Variants in PABPC4 observed in about 807,000 individuals in gnomAD.
PABPC4 encodes poly(A) binding protein cytoplasmic 4.
In PABPC4, 15 loss-of-function variants were observed where a neutral mutation model predicts 74.5. That is an observed-to-expected ratio of 0.20 (90% CI 0.13 to 0.31). PABPC4 has a LOEUF of 0.31. Among genes scored for constraint, PABPC4 ranks in the 10% least tolerant of loss-of-function variants. The pLI is 1.00. For missense variants in PABPC4, 610 were observed against 853.5 expected, an observed-to-expected ratio of 0.71 and a Z score of 3.55; for synonymous variants, 345 against 303.0, an observed-to-expected ratio of 1.14 and a Z score of -1.44.
At chr1:39,573,454 C>T (rs1645971710) in intron 1 of PABPC4, among the ~76,000 whole-genome samples, 1 of 152,168 alleles carries the variant, frequency 6.6e-6, no homozygotes, top group Non-Finnish European at 1.5e-5. Flanking sequence ...ACCAACTTCC[C>T]CATCCAACAC....
rs1172260528 is a variant in PABPC4 at position 39,561,082 on chromosome 1, C to CT, written c.*53dup. On this transcript the variant is annotated 3_prime_UTR_variant, in exon 16 of 16. Transcript: ENST00000372858. ...AGGACAAGCTAGGAAGTCTTCAAAC[C>CT]TTGAGTTGAATTCCATAAGGGGTTA... 1 of 469,686 alleles carries CT rather than the reference C, an allele frequency of 2.1e-6. No homozygotes were observed. Among genetic ancestry groups the CT allele is most frequent in the African/African-American group, 2.0e-5 (1 of 50,044 alleles). The allele number at this position is 469,686 out of a possible 1,614,324, so 29.1% of individuals were successfully genotyped here.
chr1:39,571,172 AT>A, intron 3 of PABPC4, 61 bp downstream of exon 3: 1 of 1,610,938 alleles, frequency 6.2e-7, no homozygotes, highest in Non-Finnish European at 8.5e-7. Flanking sequence ...GTGCCAGTTA[AT>A]AGCGAGGTGG....
chr1:39,572,453 A>G lies in PABPC4; in HGVS notation c.327T>C (p.Ser109=), dbSNP rs2124466421. The G allele has an allele frequency of 3.1e-6, 5 of 1,614,124 alleles. No homozygotes were observed. In the South Asian group the frequency reaches 5.5e-5, roughly 18 times the overall value. ...GNVFIKNLDK[S]IDNKALYDTF... is the part of the protein sequence containing the mutation. ...TATCATAAAGTGCCTTGTTATCTAT[A>G]GATTTGTCCAGGTTCTTGATGAAGA... The change falls in exon 2 of 16, where the codon TCT becomes TCC. Residue 109 remains serine (S), a synonymous_variant. Coordinates refer to ENST00000372858, the MANE Select transcript of PABPC4 (RefSeq NM_001135653.2).
intron 1 of PABPC4, among the ~76,000 whole-genome samples, chr1:39,572,837 G>C (rs886559673): frequency 1.3e-5 from 2 of 152,142 alleles, no homozygotes; most frequent in African/African-American, 4.8e-5. Flanking sequence ...GTTGGATAAA[G>C]GGGCCACAAG....
chr1:39,576,075 A>T lies in PABPC4; in HGVS notation c.-124T>A, dbSNP rs1465967629. The T allele has an allele frequency of 4.6e-6, 3 of 653,820 alleles. No individual in the cohort carries two copies. In the African/African-American group the frequency reaches 5.8e-5, roughly 13 times the overall value. The allele number at this position is 653,820 out of a possible 1,614,324, so 40.5% of individuals were successfully genotyped here. ...GCTCACAGGTGGCACCGGCGCGGCG[A>T]GGACGAGCTGGAGTCGGCGGGCTTG... is the stretch of plus-strand genomic sequence containing the variant. On this transcript the variant is annotated 5_prime_UTR_variant, in exon 1 of 16. Coordinates refer to ENST00000372858, the MANE Select transcript of PABPC4 (RefSeq NM_001135653.2).
intron 2 of PABPC4, among the ~76,000 whole-genome samples, 196 bp downstream of exon 2, chr1:39,572,197 A>C (rs1197946840): frequency 1.3e-5 from 2 of 152,206 alleles, no homozygotes; most frequent in Admixed American, 1.3e-4. Context: ...GTAAAGAACA[A>C]GGGTATGAAA....
rs986754452 is a variant in PABPC4, at chr1:39,568,640, C to A, written c.876+162G>T. ...TGTTTCTGGTTCTATAATAATCAGT[C>A]ATATGTAGTAGGTATATATCCTTTT... is the stretch of plus-strand genomic sequence containing the variant. On this transcript the variant is annotated intron_variant, in intron 6 of 15. Transcript: ENST00000372858. 7 of 630,726 alleles carry A rather than the reference C, an allele frequency of 1.1e-5. No individual in the cohort carries two copies. The African/African-American group carries it at 1.3e-4, about 12-fold the overall frequency. 39.1% of individuals were successfully genotyped at this position (630,726 alleles called of 1,614,324 possible).
intron 7 of PABPC4, chr1:39,567,403 C>CA (rs1425983005): frequency 1.9e-6 from 1 of 526,656 alleles, no homozygotes; most frequent in South Asian, 1.4e-5. Context: ...AGACAGGCCC[C>CA]AAGACAAATG....
chr1:39,569,442 C>T (rs1452884397), intron 5 of PABPC4, 153 bp downstream of exon 5: 5 of 634,312 alleles, frequency 7.9e-6, no homozygotes, highest in Admixed American at 2.8e-5. Context: ...AGTTAACATG[C>T]GGAACCCAGG....
chr1:39,575,742 G>A lies in PABPC4; in HGVS notation c.193+17C>T, dbSNP rs369209677. 309 of 1,559,504 alleles carry A rather than the reference G, an allele frequency of 2.0e-4. 1 individual carries two copies. The African/African-American group carries it at 3.7e-3, about 19-fold the overall frequency. On this transcript the variant is annotated intron_variant, in intron 1 of 15. Transcript: ENST00000372858. The stretch of plus-strand genomic sequence containing the variant: ...CCTCCGGGCTCCCACGCACGTGTGG[G>A]CACAGCTTCTACTCACCGTCGGCCG...
chr1:39,574,116 A>G (rs1400656689), intron 1 of PABPC4, among the ~76,000 whole-genome samples: 1 of 152,124 alleles, frequency 6.6e-6, no homozygotes, highest in Non-Finnish European at 1.5e-5. Flanking sequence ...AGCCGGGAGA[A>G]TTTATTTTCA....
At chr1:39,567,983 C>A in intron 6 of PABPC4, 137 bp from the exon 7 acceptor site, 1 of 584,304 alleles carries the variant, frequency 1.7e-6, no homozygotes, top group South Asian at 2.0e-5. Flanking sequence ...CTCGGCCGGA[C>A]GCGGTGGCTC....
chr1:39,561,732 T>C lies in PABPC4; in HGVS notation c.1949A>G (p.Gln650Arg), dbSNP rs1214266272. ...QAHHAKKEAAQKVGAVAAATS is the reference protein window; with the variant it reads ...QAHHAKKEAARKVGAVAAATS ...AGCAGCAGCAACAGCGCCCACCTTC[T>C]GGGCAGCTTCTTTCTTGGCATGATG... Residue 650 changes from glutamine (Q) to arginine (R), a missense_variant, in exon 15 of 16, where the codon CAG becomes CGG. By Grantham distance (43) the Gln-to-Arg change is conservative. This residue lies in a region of PABPC4 where 29 missense variants were observed against 51.6 expected (regional missense o/e 0.56). Transcript: ENST00000372858. 2.4e-5 allele frequency: 39 copies of C among 1,613,806 alleles called. No individual in the cohort carries two copies. The highest frequency in any genetic ancestry group is 3.2e-5 in the Non-Finnish European group (38 of 1,180,024).
chr1:39,567,917 G>A, intron 6 of PABPC4, 71 bp from the exon 7 acceptor site: 2 of 871,884 alleles, frequency 2.3e-6, no homozygotes, highest in Non-Finnish European at 3.7e-6. Context: ...GGTTCCCCAA[G>A]GGTGGCCCCA....
chr1:39,561,981 G>T, intron 14 of PABPC4, 92 bp downstream of exon 14: 2 of 1,459,288 alleles, frequency 1.4e-6, no homozygotes, highest in South Asian at 1.3e-5. Context: ...GGGGGCAGCA[G>T]ATCCCACTTT....
At position 39,572,379 on chromosome 1, in the gene PABPC4, T is replaced by G; in HGVS notation, c.387+14A>C. ...AATTAATTATTCTGCTAAAATCATT[T>G]AATCAATGTTTACCTTGCAGGACAG... On this transcript the variant is annotated intron_variant, in intron 2 of 15. Coordinates refer to ENST00000372858, the MANE Select transcript of PABPC4 (RefSeq NM_001135653.2). 1 of 1,550,976 alleles carries G rather than the reference T, an allele frequency of 6.4e-7. No homozygotes were observed. The highest frequency in any genetic ancestry group is 1.7e-5 in the Admixed American group (1 of 58,374).
chr1:39,569,842 A>C (rs777136833), intron 4 of PABPC4, 21 bp downstream of exon 4: 2 of 1,613,062 alleles, frequency 1.2e-6, no homozygotes, highest in Non-Finnish European at 8.5e-7. Flanking sequence ...CTGTGAAAGG[A>C]GACAAGGAAC....
chr1:39,569,006 T>A, intron 5 of PABPC4, 67 bp from the exon 6 acceptor site: 1 of 1,516,566 alleles, frequency 6.6e-7, no homozygotes, highest in Non-Finnish European at 8.8e-7. Flanking sequence ...GAGGTCTAAG[T>A]CCCAAAAAAT....
intron 1 of PABPC4, among the ~76,000 whole-genome samples, chr1:39,573,535 T>G (rs747641749): frequency 6.6e-6 from 1 of 152,170 alleles, no homozygotes; most frequent in Non-Finnish European, 1.5e-5. Context: ...AACCAAAGGC[T>G]GGGCTGGGTA....
Sources: gnomAD v4.1 joint callset for allele counts (sites outside exome capture counted in the v4.1 genomes callset) on GRCh38, gnomAD v4.1.1 for gene constraint, gnomAD v4.1.1 regional missense constraint, MANE v1.5 for transcripts, NCBI Gene and HGNC (gene_info 2026-07-23, HGNC 2026-07-21) for gene names.